ARL15: variants seen among roughly 807,000 people sequenced by gnomAD.
ARL15 encodes the protein ADP-ribosylation factor-like protein 15.
Under a neutral mutation model 25.2 loss-of-function variants are expected in ARL15, and 19 were observed. That is an observed-to-expected ratio of 0.75 (90% CI 0.53 to 1.10). The LOEUF (loss-of-function observed/expected upper bound fraction) is 1.10, where lower values mean the gene tolerates loss of function less well. ARL15 is among the 50% of genes least tolerant of loss of function. ARL15 has a pLI of 0.00. For synonymous variants in ARL15, 94 were observed against 86.8 expected (o/e 1.08, Z -0.46); for missense variants, 220 against 246.0 (o/e 0.89, Z 0.71).
At chr5:54,233,796 G>T (rs965578168) in intron 1 of ARL15, among the ~76,000 whole-genome samples, 1 of 152,168 alleles carries the variant, frequency 6.6e-6, no homozygotes, top group African/African-American at 2.4e-5. Flanking sequence ...GCTGCGTGGG[G>T]TTGAATTTTC....
Position 53,884,354 on chromosome 5 carries a change from C to A in ARL15, c.*2207G>T, listed in dbSNP as rs1405103711. ...AAGGGACTTACACTCCCACCCCCAG[C>A]CATCCCACCCACCCCACCACCCACC... On this transcript the variant is annotated 3_prime_UTR_variant, in exon 5 of 5. Coordinates refer to ENST00000504924, the MANE Select transcript of ARL15 (RefSeq NM_019087.3). The A allele has an allele frequency of 1.6e-5, 2 of 126,638 alleles. No homozygotes were observed. The highest frequency in any genetic ancestry group is 3.3e-5 in the Non-Finnish European group (2 of 60,380). The allele number at this position is 126,638 out of a possible 1,614,324, so 7.8% of individuals were successfully genotyped here. A position where few individuals can be genotyped will look rare whatever the true frequency, so the allele number is the denominator to read the frequency against.
chr5:53,890,161 T>C (rs111966651), intron 4 of ARL15, among the ~76,000 whole-genome samples: 1,990 of 152,272 alleles, frequency 0.013, 45 homozygotes, highest in African/African-American at 0.045. Flanking sequence ...GAAATTCAAA[T>C]TTTACTTTCC....
chr5:54,095,967 G>T (rs1276363384), intron 4 of ARL15, among the ~76,000 whole-genome samples: 3 of 152,116 alleles, frequency 2.0e-5, no homozygotes, highest in Non-Finnish European at 4.4e-5. Context: ...TAGAATGAAA[G>T]AGCATATCAC....
chr5:53,928,746 A>G (rs1321205507), intron 4 of ARL15, among the ~76,000 whole-genome samples: 4 of 152,226 alleles, frequency 2.6e-5, no homozygotes, highest in South Asian at 2.1e-4. Context: ...GATTGGTTCA[A>G]GAATATTATA....
intron 4 of ARL15, among the ~76,000 whole-genome samples, chr5:53,932,966 AG>A (rs1411889552): frequency 6.6e-6 from 1 of 152,240 alleles, no homozygotes; most frequent in Non-Finnish European, 1.5e-5. Flanking sequence ...TGGGTGCAAT[AG>A]GGCTTAATTG....
chr5:54,035,742 G>A (rs6878690), intron 4 of ARL15, among the ~76,000 whole-genome samples: 6,185 of 152,058 alleles, frequency 0.041, 423 homozygotes, highest in African/African-American at 0.14. Flanking sequence ...GTCTATTTCC[G>A]ATACATTTTT....
At chr5:54,289,350 A>G (rs1383430753) in intron 1 of ARL15, among the ~76,000 whole-genome samples, 2 of 150,828 alleles carry the variant, frequency 1.3e-5, no homozygotes, top group Non-Finnish European at 2.9e-5. Flanking sequence ...AGATGGTGAC[A>G]AGTCCTATGA....
intron 4 of ARL15, among the ~76,000 whole-genome samples, chr5:54,111,566 G>A (rs1415178738): frequency 6.6e-6 from 1 of 151,906 alleles, no homozygotes; most frequent in Non-Finnish European, 1.5e-5. Context: ...CAGATACACA[G>A]GTTCATAACT....
chr5:54,082,084 A>G (rs1467125968), intron 4 of ARL15, among the ~76,000 whole-genome samples: 2 of 111,848 alleles, frequency 1.8e-5, no homozygotes, highest in Non-Finnish European at 3.5e-5. Context: ...AAAAAAAAAG[A>G]AAGGAAGGAA....
chr5:54,092,884 T>C (rs1297501453), intron 4 of ARL15, among the ~76,000 whole-genome samples: 2 of 152,206 alleles, frequency 1.3e-5, no homozygotes, highest in African/African-American at 4.8e-5. Context: ...ATTATATCAT[T>C]TTAACTTACC....
chr5:54,216,496 C>A (rs1756209692), intron 1 of ARL15, among the ~76,000 whole-genome samples: 1 of 152,146 alleles, frequency 6.6e-6, no homozygotes, highest in African/African-American at 2.4e-5. Flanking sequence ...TCTCTGTTTG[C>A]TGGGAGACAC....
At chr5:53,904,333 T>G (rs1242207338) in intron 4 of ARL15, among the ~76,000 whole-genome samples, 1 of 152,194 alleles carries the variant, frequency 6.6e-6, no homozygotes, top group African/African-American at 2.4e-5. Context: ...GCTCTCAAGA[T>G]GGCAATCATA....
rs75502637 is a variant in ARL15 at position 54,232,299 on chromosome 5, G to A, written c.49-60371C>T. Among the ~76,000 whole-genome samples the A allele has an allele frequency of 2.1e-3, 324 of 152,164 alleles. 2 individuals carry two copies. Among genetic ancestry groups the A allele is most frequent in the African/African-American group, 7.0e-3 (292 of 41,506 alleles). ...GCAGGTACTGAGGCTGTCTGTTCAC[G>A]GCTGCAACCCTAACATAACCCAAGA... On this transcript the variant is annotated intron_variant, in intron 1 of 4. Coordinates refer to ENST00000504924, the MANE Select transcript of ARL15 (RefSeq NM_019087.3).
chr5:54,066,960 A>G (rs1751254142), intron 4 of ARL15, among the ~76,000 whole-genome samples: 1 of 152,174 alleles, frequency 6.6e-6, no homozygotes, highest in East Asian at 1.9e-4. Flanking sequence ...ATAGTAGCAA[A>G]TTCCTTCTAA....
chr5:54,148,229 A>T lies in ARL15; in HGVS notation c.253+6351T>A, dbSNP rs561930802. Among the ~76,000 whole-genome samples the T allele has an allele frequency of 2.0e-5, 3 of 152,298 alleles. No homozygotes were observed. In the South Asian group the frequency reaches 6.2e-4, roughly 32 times the overall value. On this transcript the variant is annotated intron_variant, in intron 3 of 4. Coordinates refer to ENST00000504924, the MANE Select transcript of ARL15 (RefSeq NM_019087.3). ...TGTACAGTTTCTGGAGAAATTAAGA[A>T]ATGCAAATAACCTGGGCAGATTAAC...
chr5:54,105,265 A>T (rs1247077896), intron 4 of ARL15, among the ~76,000 whole-genome samples: 1 of 151,970 alleles, frequency 6.6e-6, no homozygotes. Flanking sequence ...GGTACCTTAA[A>T]CTTTTGCCTC....
intron 4 of ARL15, among the ~76,000 whole-genome samples, chr5:53,900,317 C>T (rs866553309): frequency 1.3e-5 from 2 of 152,244 alleles, no homozygotes; most frequent in Admixed American, 1.3e-4. Flanking sequence ...ATGCCAAAGG[C>T]CTGCAATCTG....
intron 1 of ARL15, among the ~76,000 whole-genome samples, chr5:54,231,295 A>G (rs984419767): frequency 2.0e-5 from 3 of 152,064 alleles, no homozygotes; most frequent in Non-Finnish European, 2.9e-5. Context: ...TTTCAAGTCT[A>G]CAAAACTATT....
intron 1 of ARL15, among the ~76,000 whole-genome samples, chr5:54,219,024 A>G (rs1490547619): frequency 6.6e-6 from 1 of 151,760 alleles, no homozygotes; most frequent in Non-Finnish European, 1.5e-5. Context: ...AAAACAGGTT[A>G]CAGACAGAAA....
Sources: gnomAD v4.1 joint callset for allele counts (sites outside exome capture counted in the v4.1 genomes callset) on GRCh38, gnomAD v4.1.1 for gene constraint, MANE v1.5 for transcripts, NCBI Gene and HGNC (gene_info 2026-07-23, HGNC 2026-07-21) for gene names.